CNTN5: variants seen among roughly 807,000 people sequenced by gnomAD.
CNTN5 encodes the protein contactin 5.
A neutral mutation model predicts 129.1 loss-of-function variants in CNTN5; 77 were observed. The observed-to-expected ratio is 0.60, with a 90% CI of 0.50 to 0.72. The LOEUF is 0.72. Among genes scored for constraint, CNTN5 ranks in the 30% least tolerant of loss-of-function variants. The pLI, the probability that CNTN5 is intolerant of heterozygous loss-of-function variation, is 0.00. For synonymous variants in CNTN5, 509 were observed against 465.6 expected (o/e 1.09, Z -1.20); for missense variants, 1,478 against 1,328.8 (o/e 1.11, Z -1.75).
intron 3 of CNTN5, among the ~76,000 whole-genome samples, chr11:99,674,065 C>T (rs1953166055): frequency 6.6e-6 from 1 of 152,110 alleles, no homozygotes; most frequent in Non-Finnish European, 1.5e-5. Flanking sequence ...CTAATTTACA[C>T]TCACACCAAC....
At chr11:99,907,599 A>T (rs183342931) in intron 6 of CNTN5, among the ~76,000 whole-genome samples, 1 of 151,868 alleles carries the variant, frequency 6.6e-6, no homozygotes, top group Admixed American at 6.6e-5. Context: ...TTAAAAATAT[A>T]TCTTTTATTA....
chr11:99,642,010 G>A (rs2135845700), intron 3 of CNTN5, among the ~76,000 whole-genome samples: 1 of 152,174 alleles, frequency 6.6e-6, no homozygotes, highest in East Asian at 1.9e-4. Flanking sequence ...TGATAATTGG[G>A]CCAAAGATTG....
chr11:99,947,345 GTT>G lies in CNTN5; in HGVS notation c.674-9448_674-9447del, dbSNP rs5794030. 3.0e-3 allele frequency among the ~76,000 whole-genome samples: 432 copies of G among 145,646 alleles called. 2 individuals are homozygous for G. The highest frequency in any genetic ancestry group is 0.011 in the Middle Eastern group (3 of 280). On this transcript the variant is annotated intron_variant, in intron 7 of 24. Coordinates refer to ENST00000524871, the MANE Select transcript of CNTN5 (RefSeq NM_014361.4). ...AGATAAATATGTGTTTTATGATTAG[GTT>G]TTTTTTTTTTTTAAACAGGTGAGCA...
chr11:100,265,720 A>T (rs1950289224), intron 17 of CNTN5, among the ~76,000 whole-genome samples: 1 of 152,134 alleles, frequency 6.6e-6, no homozygotes, highest in African/African-American at 2.4e-5. Context: ...CACATCTTGG[A>T]TTTAACGTAT....
chr11:100,106,049 AT>A (rs1380198713), intron 13 of CNTN5, among the ~76,000 whole-genome samples: 1 of 152,184 alleles, frequency 6.6e-6, no homozygotes. Flanking sequence ...AATGAACATG[AT>A]TTCAGCTCCT....
At chr11:99,066,290 G>C (rs964698312) in intron 1 of CNTN5, among the ~76,000 whole-genome samples, 5 of 151,886 alleles carry the variant, frequency 3.3e-5, no homozygotes, top group Admixed American at 6.6e-5. Context: ...TTTTACTGGA[G>C]ATGGGGTTTC....
intron 6 of CNTN5, among the ~76,000 whole-genome samples, chr11:99,901,872 G>A (rs192108940): frequency 1.3e-5 from 2 of 152,278 alleles, no homozygotes; most frequent in Admixed American, 6.5e-5. Flanking sequence ...CATTTATTAA[G>A]GGTTCAGTGT....
At chr11:99,264,215 TTAATATTATTTAA>T (rs1438010044) in intron 1 of CNTN5, among the ~76,000 whole-genome samples, 1 of 151,212 alleles carries the variant, frequency 6.6e-6, no homozygotes, top group Admixed American at 6.6e-5. Context: ...AAGATATTAT[TTAATATTATTTAA>T]TAATATTATT....
At chr11:99,232,861 C>A (rs1320098935) in intron 1 of CNTN5, among the ~76,000 whole-genome samples, 1 of 152,120 alleles carries the variant, frequency 6.6e-6, no homozygotes. Context: ...CAATTGAATT[C>A]ATCAAAAACC....
intron 3 of CNTN5, among the ~76,000 whole-genome samples, chr11:99,598,911 TA>T (rs1400682167): frequency 2.0e-5 from 3 of 152,250 alleles, no homozygotes; most frequent in Middle Eastern, 6.8e-3. Context: ...AAAGTCAATT[TA>T]AAAAATACTG....
intron 6 of CNTN5, among the ~76,000 whole-genome samples, chr11:99,865,991 C>T (rs545256111): frequency 2.0e-5 from 3 of 152,044 alleles, no homozygotes; most frequent in Non-Finnish European, 2.9e-5. Context: ...TTGTTTTTCT[C>T]GAGAATTTGT....
At chr11:99,835,007 G>A (rs1248929081) in intron 4 of CNTN5, among the ~76,000 whole-genome samples, 1 of 152,098 alleles carries the variant, frequency 6.6e-6, no homozygotes, top group Non-Finnish European at 1.5e-5. Flanking sequence ...TACCTTCCAT[G>A]TTTCAGTTAA....
At chr11:100,227,311 A>G (rs959152039) in intron 16 of CNTN5, among the ~76,000 whole-genome samples, 2 of 152,108 alleles carry the variant, frequency 1.3e-5, no homozygotes, top group African/African-American at 4.8e-5. Context: ...AAATCCTGCA[A>G]TTCTTCAACC....
intron 3 of CNTN5, among the ~76,000 whole-genome samples, chr11:99,788,718 C>G (rs1200389433): frequency 1.3e-5 from 2 of 151,848 alleles, no homozygotes; most frequent in African/African-American, 4.8e-5. Context: ...GGAAATGTAC[C>G]TATTAAAATT....
At position 100,001,586 on chromosome 11, in the gene CNTN5, G is replaced by A. The variant is rs75218514; in HGVS notation, c.878-448G>A. Among the ~76,000 whole-genome samples the A allele has an allele frequency of 1.1e-3, 170 of 152,270 alleles. 2 individuals carry two copies. The East Asian group carries it at 0.029, about 26-fold the overall frequency. The stretch of plus-strand genomic sequence containing the variant: ...GAATATAGTTGCTGAGTGCTTGAGA[G>A]CACAACTGATTAATCTTTTGTTACT... On this transcript the variant is annotated intron_variant, in intron 8 of 24. Coordinates refer to ENST00000524871, the MANE Select transcript of CNTN5 (RefSeq NM_014361.4).
At chr11:99,551,592 T>C (rs1948484151) in intron 2 of CNTN5, among the ~76,000 whole-genome samples, 1 of 152,196 alleles carries the variant, frequency 6.6e-6, no homozygotes, top group South Asian at 2.1e-4. Flanking sequence ...TTCTGAGAAA[T>C]ATCTTCTTAG....
intron 9 of CNTN5, among the ~76,000 whole-genome samples, chr11:100,051,229 G>T (rs1374147953): frequency 1.3e-5 from 2 of 151,898 alleles, no homozygotes; most frequent in African/African-American, 4.8e-5. Flanking sequence ...TATTCACCAA[G>T]ATAAATTATG....
chr11:99,907,119 C>T (rs555147401), intron 6 of CNTN5, among the ~76,000 whole-genome samples: 1 of 152,088 alleles, frequency 6.6e-6, no homozygotes. Flanking sequence ...GTCTGTATCT[C>T]CTTCAGTTCT....
intron 2 of CNTN5, among the ~76,000 whole-genome samples, chr11:99,392,338 G>A (rs994762192): frequency 8.6e-5 from 13 of 151,682 alleles, no homozygotes; most frequent in African/African-American, 2.4e-5. Context: ...AAATAGGAGG[G>A]AGAAAAATAC....
Sources: gnomAD v4.1 joint callset for allele counts (sites outside exome capture counted in the v4.1 genomes callset) on GRCh38, gnomAD v4.1.1 for gene constraint, MANE v1.5 for transcripts, NCBI Gene and HGNC (gene_info 2026-07-23, HGNC 2026-07-21) for gene names.